The following GLCCI1 variants were observed in gnomAD, a reference collection of about 807,000 sequenced individuals.
GLCCI1 encodes glucocorticoid-induced transcript 1 protein.
In GLCCI1, 24 loss-of-function variants were observed where a neutral mutation model predicts 52.2. The ratio of observed to expected loss-of-function variants is 0.46; its 90% CI spans 0.33 to 0.65. The LOEUF (loss-of-function observed/expected upper bound fraction) is 0.65, where lower values mean the gene tolerates loss of function less well. Ranked by LOEUF, GLCCI1 falls within the 30% of genes least tolerant of loss-of-function variation. The pLI is 0.02. For synonymous variants in GLCCI1, 310 were observed against 276.5 expected, an observed-to-expected ratio of 1.12 and a Z score of -1.20; for missense variants, 704 against 701.5, an observed-to-expected ratio of 1.00 and a Z score of -0.04.
At chr7:7,989,034 T>G (rs2115414430) in intron 1 of GLCCI1, among the ~76,000 whole-genome samples, 1 of 152,224 alleles carries the variant, frequency 6.6e-6, no homozygotes, top group East Asian at 1.9e-4. Flanking sequence ...CTGACCAAGG[T>G]CCTAATGGAA....
rs780689286 is a variant in GLCCI1 at position 8,022,582 on chromosome 7, T to C, written c.696+13T>C. On this transcript the variant is annotated intron_variant, in intron 3 of 7. Transcript: ENST00000223145. ...TCAACTAAAAGAGGTAAGTTATTTC[T>C]GTTTTCCGTCTGTAACCTGTTTTGG... The C allele has an allele frequency of 1.4e-5, 21 of 1,533,934 alleles. No individual in the cohort carries two copies. The highest frequency in any genetic ancestry group is 5.7e-5 in the Admixed American group (3 of 52,796).
chr7:8,018,401 T>C (rs1180013425), intron 2 of GLCCI1, among the ~76,000 whole-genome samples: 1 of 152,194 alleles, frequency 6.6e-6, no homozygotes, highest in African/African-American at 2.4e-5. Context: ...CCTTTCTAGT[T>C]AGTGAATAAA....
At chr7:8,023,588 C>CTTTTTGTTTTTT (rs1781544397) in intron 3 of GLCCI1, among the ~76,000 whole-genome samples, 1 of 41,984 alleles carries the variant, frequency 2.4e-5, no homozygotes, top group Non-Finnish European at 4.3e-5. Context: ...CTCTGTTATT[C>CTTTTTGTTTTTT]TTTTTTTTTT....
At chr7:8,084,223 GGCC>G (rs1432001796) in intron 6 of GLCCI1, among the ~76,000 whole-genome samples, 1 of 151,786 alleles carries the variant, frequency 6.6e-6, no homozygotes, top group Non-Finnish European at 1.5e-5. Context: ...TTTTCTTTTT[GGCC>G]AAAAATATGA....
In GLCCI1 at chr7:8,072,712, T is replaced by C. The variant is rs116426122; in HGVS notation, c.1177+1581T>C. 4.0e-3 allele frequency among the ~76,000 whole-genome samples: 608 copies of C among 152,312 alleles called. 3 individuals are homozygous for C. The highest frequency in any genetic ancestry group is 0.014 in the African/African-American group (571 of 41,588). Reference sequence around the variant, plus strand: ...TTCATTCCAAACTCATATTCTTTGTTATTAAGTACAGTTCAGGTTGGCCAC... The same window carrying C: ...TTCATTCCAAACTCATATTCTTTGTCATTAAGTACAGTTCAGGTTGGCCAC... On this transcript the variant is annotated intron_variant, in intron 6 of 7. Coordinates refer to ENST00000223145, the MANE Select transcript of GLCCI1 (RefSeq NM_138426.4).
chr7:7,978,023 G>A (rs896912221), intron 1 of GLCCI1, among the ~76,000 whole-genome samples: 2 of 152,144 alleles, frequency 1.3e-5, no homozygotes, highest in African/African-American at 4.8e-5. Flanking sequence ...GCTTTGGGGC[G>A]GTGAGGGAAG....
chr7:8,066,622 C>T (rs1311810232), intron 5 of GLCCI1, among the ~76,000 whole-genome samples: 1 of 151,106 alleles, frequency 6.6e-6, no homozygotes, highest in East Asian at 1.9e-4. Flanking sequence ...TGATTTCTGC[C>T]TTAATTTCAT....
chr7:8,080,889 G>T (rs535517217), intron 6 of GLCCI1, among the ~76,000 whole-genome samples: 2 of 149,406 alleles, frequency 1.3e-5, no homozygotes, highest in South Asian at 4.2e-4. Context: ...TGGCCAGGTG[G>T]TCTCGAACTC....
chr7:8,062,497 G>A (rs189986690), intron 5 of GLCCI1, among the ~76,000 whole-genome samples: 4 of 152,282 alleles, frequency 2.6e-5, no homozygotes, highest in Admixed American at 1.3e-4. Context: ...AAGGGTACAC[G>A]TGCAGGTTTC....
At chr7:7,979,928 A>G (rs556413273) in intron 1 of GLCCI1, among the ~76,000 whole-genome samples, 5 of 151,536 alleles carry the variant, frequency 3.3e-5, no homozygotes, top group East Asian at 1.9e-4. Context: ...TTTTTTCTTT[A>G]TCTTTCTGTC....
At chr7:8,047,066 G>A (rs535807751) in intron 3 of GLCCI1, among the ~76,000 whole-genome samples, 2 of 152,068 alleles carry the variant, frequency 1.3e-5, no homozygotes, top group East Asian at 1.9e-4. Context: ...TAATACACAC[G>A]TACACACACA....
intron 6 of GLCCI1, among the ~76,000 whole-genome samples, chr7:8,076,705 A>C (rs1410869297): frequency 1.3e-5 from 2 of 152,200 alleles, no homozygotes; most frequent in Admixed American, 1.3e-4. Flanking sequence ...ACCTGCATAT[A>C]TATTTCACTT....
rs777839965 is a variant in GLCCI1, at chr7:7,969,420, A to G, written c.70A>G (p.Arg24Gly). Reference protein sequence around the residue: ...QTPHPPSQRMRRSAAGSPPAV... With the variant: ...QTPHPPSQRMGRSAAGSPPAV... ...CCCTCATCCCCCGTCGCAGAGGATG[A>G]GGCGCAGCGCCGCGGGGTCCCCGCC... Residue 24 changes from arginine to glycine, a missense_variant, in exon 1 of 8, where the codon AGG (arginine) becomes GGG (glycine). Arg to Gly is a moderately radical substitution (Grantham distance 125). Around this residue, in one of 3 missense-constraint regions of GLCCI1, gnomAD observed 547 missense variants for 524.8 expected, o/e 1.04. Coordinates refer to ENST00000223145, the MANE Select transcript of GLCCI1 (RefSeq NM_138426.4). The surrounding 1 kb of genome is among the most constrained non-coding windows in gnomAD (Gnocchi z 4.9). 1.0e-5 allele frequency: 14 copies of G among 1,359,862 alleles called. No individual in the cohort carries two copies. The highest frequency in any genetic ancestry group is 1.5e-5 in the South Asian group (1 of 64,716). The allele number at this position is 1,359,862 out of a possible 1,614,324, so 84.2% of individuals were successfully genotyped here.
chr7:8,086,723 AGT>A lies in GLCCI1; in HGVS notation c.*186_*187del. The A allele has an allele frequency of 1.7e-6, 1 of 583,550 alleles. No individual in the cohort carries two copies. Among genetic ancestry groups the A allele is most frequent in the Non-Finnish European group, 3.0e-6 (1 of 335,044 alleles). 36.1% of individuals were successfully genotyped at this position (583,550 alleles called of 1,614,324 possible). On this transcript the variant is annotated 3_prime_UTR_variant, in exon 8 of 8. Coordinates refer to ENST00000223145, the MANE Select transcript of GLCCI1 (RefSeq NM_138426.4). The surrounding 1 kb of genome is among the most constrained non-coding windows in gnomAD (Gnocchi z 4.4). The stretch of plus-strand genomic sequence containing the variant: ...CTATTCAGCAGTTTTTGTGGAAAGC[AGT>A]AATGCTTGCAAAACGTGTGTGTCAT...
At chr7:8,003,014 C>T (rs953040766) in intron 1 of GLCCI1, among the ~76,000 whole-genome samples, 1 of 152,078 alleles carries the variant, frequency 6.6e-6, no homozygotes, top group Non-Finnish European at 1.5e-5. Context: ...TCAAATTCTT[C>T]GTCTGTGAAT....
rs577745879 is a variant in GLCCI1, at chr7:8,059,928, TCTTA to T, written c.814-164_814-161del. Among the ~76,000 whole-genome samples the T allele has an allele frequency of 1.0e-3, 159 of 152,376 alleles. 1 individual carries two copies. Among genetic ancestry groups the T allele is most frequent in the Non-Finnish European group, 1.3e-3 (86 of 68,026 alleles). On this transcript the variant is annotated intron_variant, in intron 4 of 7. Transcript: ENST00000223145. ...TGACTATGTAATTTTCATTTTACTTTCTTACTTCAGAACCTAAATTTCTATATGT... is the reference window on the plus strand; with the variant it reads ...TGACTATGTAATTTTCATTTTACTTTCTTCAGAACCTAAATTTCTATATGT...
chr7:8,086,265 A>G lies in GLCCI1; in HGVS notation c.1371A>G (p.Gly457=), dbSNP rs755995433. 1.2e-6 allele frequency: 2 copies of G among 1,614,156 alleles called. No homozygotes were observed. Among genetic ancestry groups the G allele is most frequent in the Non-Finnish European group, 1.7e-6 (2 of 1,180,014 alleles). The part of the protein sequence containing the change: ...DKNKVNFIPT[G]SAFCPVKLLG... ...ACAAGGTTAATTTCATCCCAACCGG[A>G]TCAGCTTTCTGTCCTGTAAAACTTC... The change falls in exon 8 of 8, where the codon GGA becomes GGG. Residue 457 remains glycine, a synonymous_variant. Coordinates refer to ENST00000223145, the MANE Select transcript of GLCCI1 (RefSeq NM_138426.4). This position sits in a 1 kb window ranked among gnomAD's most constrained non-coding sequence, Gnocchi z 4.4.
intron 3 of GLCCI1, among the ~76,000 whole-genome samples, chr7:8,037,643 C>A (rs561241399): frequency 3.6e-4 from 55 of 152,100 alleles, no homozygotes; most frequent in Non-Finnish European, 6.9e-4. Context: ...ATCTTGCTTA[C>A]AAGAAATCCA....
chr7:8,021,711 A>G (rs1274703270), intron 2 of GLCCI1, among the ~76,000 whole-genome samples: 1 of 152,172 alleles, frequency 6.6e-6, no homozygotes, highest in Non-Finnish European at 1.5e-5. Flanking sequence ...CCTATTGTTT[A>G]ATTTTTTAAT....
Sources: allele counts gnomAD v4.1 joint callset (sites outside exome capture counted in the v4.1 genomes callset), GRCh38; gene constraint gnomAD v4.1.1; regional missense constraint gnomAD v4.1.1; non-coding constraint Gnocchi (gnomAD v3.1); transcripts MANE v1.5; gene names NCBI Gene and HGNC (gene_info 2026-07-23, HGNC 2026-07-21).